Variants in ATXN3 observed in about 807,000 individuals in gnomAD.
The protein encoded by ATXN3 is ataxin 3.
Under a neutral mutation model 58.2 loss-of-function variants are expected in ATXN3, and 28 were observed. That is an observed-to-expected ratio of 0.48 (90% CI 0.36 to 0.66). The LOEUF (loss-of-function observed/expected upper bound fraction) is 0.66, where lower values mean the gene tolerates loss of function less well. ATXN3 is among the 30% of genes least tolerant of loss of function. ATXN3 has a pLI of 0.00. For missense variants in ATXN3, 321 were observed against 422.1 expected (o/e 0.76, Z 2.10); for synonymous variants, 113 against 138.5 (o/e 0.82, Z 1.29).
chr14:92,067,715 T>A (rs984317181), intron 10 of ATXN3, among the ~76,000 whole-genome samples: 1 of 152,186 alleles, frequency 6.6e-6, no homozygotes, highest in Non-Finnish European at 1.5e-5. Flanking sequence ...TTCAATTAAA[T>A]CCTGAAAATT....
intron 10 of ATXN3, among the ~76,000 whole-genome samples, chr14:92,067,595 C>T (rs1164131905): frequency 6.6e-6 from 1 of 152,198 alleles, no homozygotes; most frequent in Non-Finnish European, 1.5e-5. Context: ...CAGGGTTTCA[C>T]CATGCTGGCC....
At chr14:92,096,368 T>C in intron 2 of ATXN3, 3 of 1,335,138 alleles carry the variant, frequency 2.2e-6, no homozygotes, top group Non-Finnish European at 3.0e-6. Flanking sequence ...CTCACACCTA[T>C]AATCCCAGCA....
upstream of ATXN3, chr14:92,050,301 AT>A (rs992717267): frequency 1.4e-4 from 22 of 152,264 alleles, no homozygotes; most frequent in African/African-American, 5.3e-4. Flanking sequence ...GCTTTTGCAT[AT>A]GTTTGAAATT....
rs550657682 is a variant in ATXN3, at chr14:92,100,321, A to G, written c.25-3483T>C. Among the ~76,000 whole-genome samples the G allele has an allele frequency of 7.9e-5, 12 of 152,342 alleles. No homozygotes were observed. In the South Asian group the frequency reaches 2.5e-3, roughly 32 times the overall value. ...CATACATTCATCAAAAGACATGTAT[A>G]AGAATGTTCACAAAAGCAGTATTTT... On this transcript the variant is annotated intron_variant, in intron 1 of 10. Transcript: ENST00000644486.
rs910369 is a variant in ATXN3, at chr14:92,063,938, C to T, written c.*382G>A. On this transcript the variant is annotated 3_prime_UTR_variant, in exon 11 of 11. Transcript: ENST00000644486. ...GCCACTATTACATGATGTGAGCCAA[C>T]TTACCTACAAGACAGAAAAAGAAAA... 1 of 158,930 alleles carries T rather than the reference C, an allele frequency of 6.3e-6. No homozygotes were observed. The highest frequency in any genetic ancestry group is 1.8e-4 in the East Asian group (1 of 5,438). The allele number at this position is 158,930 out of a possible 1,614,324, so 9.8% of individuals were successfully genotyped here.
rs1032212996 is a variant in ATXN3, at chr14:92,097,085, T to A, written c.25-247A>T. Reference sequence around the variant, plus strand: ...ACCACGCCCGGCTAAATTTTTGTATTTTTAGTAGAGACGGGGTTTCATCCT... The same window carrying A: ...ACCACGCCCGGCTAAATTTTTGTATATTTAGTAGAGACGGGGTTTCATCCT... On this transcript the variant is annotated intron_variant, in intron 1 of 10. Transcript: ENST00000644486. 7.9e-5 allele frequency: 32 copies of A among 404,188 alleles called. No homozygotes were observed. In the East Asian group the frequency reaches 8.8e-4, roughly 11 times the overall value. 25.0% of individuals were successfully genotyped at this position (404,188 alleles called of 1,614,324 possible).
rs563811378 is a variant in ATXN3, at chr14:92,106,256, T to G, written c.24+273A>C. 1.3e-4 allele frequency among the ~76,000 whole-genome samples: 20 copies of G among 152,148 alleles called. No individual in the cohort carries two copies. The South Asian group carries it at 4.2e-3, about 32-fold the overall frequency. ...CGGAGAAAGGCAGAAGCAAACCCAC[T>G]GGGCGCCACCCCACTCCCGTGTCCC... On this transcript the variant is annotated intron_variant, in intron 1 of 10. Transcript: ENST00000644486.
intron 1 of ATXN3, among the ~76,000 whole-genome samples, chr14:92,099,065 A>G (rs1489105214): frequency 6.6e-6 from 1 of 152,190 alleles, no homozygotes; most frequent in Non-Finnish European, 1.5e-5. Context: ...CTCCCTGTGA[A>G]CACAGACACC....
At chr14:92,047,252 T>C (rs979918041) in intron 2 of ATXN3, among the ~76,000 whole-genome samples, 4 of 152,216 alleles carry the variant, frequency 2.6e-5, no homozygotes, top group African/African-American at 7.2e-5. Flanking sequence ...AACAAGTGTA[T>C]GGGTTGGGCA....
intron 9 of ATXN3, among the ~76,000 whole-genome samples, chr14:92,075,963 T>A (rs1305029712): frequency 6.6e-6 from 1 of 152,210 alleles, no homozygotes; most frequent in Non-Finnish European, 1.5e-5. Flanking sequence ...CTGGTAACCA[T>A]CACTGCACAC....
rs7153366 is a variant in ATXN3 at position 92,100,412 on chromosome 14, G to C, written c.25-3574C>G. On this transcript the variant is annotated intron_variant, in intron 1 of 10. Transcript: ENST00000644486. ...AGCATTACAGATAGCATTACTATTTGTAATGGACCCCAAACTGGAAACGAC... is the reference window on the plus strand; with the variant it reads ...AGCATTACAGATAGCATTACTATTTCTAATGGACCCCAAACTGGAAACGAC... Among the ~76,000 whole-genome samples, 938 of 152,066 alleles carry C rather than the reference G, an allele frequency of 6.2e-3. 10 individuals carry two copies. Among genetic ancestry groups the C allele is most frequent in the African/African-American group, 0.021 (883 of 41,458 alleles).
chr14:92,067,478 C>T (rs1316122973), intron 10 of ATXN3, among the ~76,000 whole-genome samples: 1 of 152,210 alleles, frequency 6.6e-6, no homozygotes, highest in East Asian at 1.9e-4. Context: ...ATCACTGCAA[C>T]CTCCGTCTCC....
chr14:92,090,266 C>T (rs78143585), intron 5 of ATXN3: 4,691 of 152,080 alleles, frequency 0.031, 238 homozygotes, highest in African/African-American at 0.1. Context: ...AGATGCTTGA[C>T]AAATTTTCTA....
rs776828308 is a variant in ATXN3 at position 92,082,326 on chromosome 14, C to T, written c.749G>A (p.Arg250His). ...IDMEDEEADLRRAIQLSMQGS... is the reference protein window; with the variant it reads ...IDMEDEEADLHRAIQLSMQGS... ...TTGCATACTTAGCTGAATAGCCCTG[C>T]GGAGATCTGCTTCCTCATCTTCCAT... The change falls in exon 8 of 11, where the codon CGC becomes CAC. Residue 250 changes from arginine (R) to histidine (H), a missense_variant. This residue lies in a region of ATXN3 where 200 missense variants were observed against 223.2 expected (regional missense o/e 0.90). Coordinates refer to ENST00000644486, the MANE Select transcript of ATXN3 (RefSeq NM_004993.6). The T allele has an allele frequency of 5.0e-6, 8 of 1,614,094 alleles. No homozygotes were observed. The highest frequency in any genetic ancestry group is 1.7e-5 in the Admixed American group (1 of 60,020).
At chr14:92,070,327 C>A (rs2140345465) in intron 10 of ATXN3, among the ~76,000 whole-genome samples, 1 of 152,298 alleles carries the variant, frequency 6.6e-6, no homozygotes, top group East Asian at 1.9e-4. Flanking sequence ...CGCCTGTAAT[C>A]CCAGCACTTT....
At chr14:92,054,040 T>C (rs564661962), downstream of ATXN3, among the ~76,000 whole-genome samples, 1 of 151,974 alleles carries the variant, frequency 6.6e-6, no homozygotes, top group African/African-American at 2.4e-5. Flanking sequence ...ATCCAAGTGA[T>C]TCTCCTGCAT....
chr14:92,085,841 A>G (rs1486247152), intron 6 of ATXN3, among the ~76,000 whole-genome samples: 3 of 152,204 alleles, frequency 2.0e-5, no homozygotes, highest in African/African-American at 7.2e-5. Context: ...TTATTTACAG[A>G]TGATATTTAA....
chr14:92,069,095 T>TTTTTTTTGG (rs2058961852), intron 10 of ATXN3, among the ~76,000 whole-genome samples: 1 of 151,672 alleles, frequency 6.6e-6, no homozygotes, highest in Non-Finnish European at 1.5e-5. Context: ...TTTTTTTTTT[T>TTTTTTTTGG]GAGAAGGAGT....
chr14:92,057,245 A>G (rs61264041), downstream of ATXN3, among the ~76,000 whole-genome samples: 43,131 of 151,994 alleles, frequency 0.28, 6,498 homozygotes, highest in African/African-American at 0.39. Context: ...GTGAAACCGC[A>G]TCTCTACTAA....
Sources: allele counts gnomAD v4.1 joint callset (sites outside exome capture counted in the v4.1 genomes callset), GRCh38; gene constraint gnomAD v4.1.1; regional missense constraint gnomAD v4.1.1; transcripts MANE v1.5; gene names NCBI Gene and HGNC (gene_info 2026-07-23, HGNC 2026-07-21).